The following BCL2L14 variants were observed in gnomAD, a reference collection of about 807,000 sequenced individuals.
BCL2L14 encodes the protein apoptosis facilitator Bcl-2-like protein 14.
In BCL2L14, 27 loss-of-function variants were observed where a neutral mutation model predicts 35.3. That is an observed-to-expected ratio of 0.76 (90% CI 0.56 to 1.05). BCL2L14 has a LOEUF of 1.05. Ranked by LOEUF, BCL2L14 falls within the 50% of genes least tolerant of loss-of-function variation. BCL2L14 has a pLI of 0.00. For missense variants in BCL2L14, 377 were observed against 382.6 expected, an observed-to-expected ratio of 0.99 and a Z score of 0.12; for synonymous variants, 139 against 145.9, an observed-to-expected ratio of 0.95 and a Z score of 0.34.
intron 5 of BCL2L14, chr12:12,095,557 C>G: frequency 1.0e-6 from 1 of 985,418 alleles, no homozygotes; most frequent in Non-Finnish European, 1.2e-6. Context: ...CTGCCATGTT[C>G]AAACAGCTAC....
At chr12:12,064,093 A>C (rs1181717152) in intron 2 of BCL2L14, among the ~76,000 whole-genome samples, 1 of 151,912 alleles carries the variant, frequency 6.6e-6, no homozygotes, top group Admixed American at 6.6e-5. Flanking sequence ...CAAGTAATCC[A>C]CCTGCCTCAG....
chr12:12,083,237 T>C (rs1220133995), intron 2 of BCL2L14, among the ~76,000 whole-genome samples: 1 of 152,202 alleles, frequency 6.6e-6, no homozygotes, highest in Non-Finnish European at 1.5e-5. Flanking sequence ...GTGCTGGGAT[T>C]ACAGGCGTGA....
chr12:12,075,410 A>ATTCTTTCT (rs71057801), intron 1 of BCL2L14, among the ~76,000 whole-genome samples: 25,711 of 142,576 alleles, frequency 0.18, 2,447 homozygotes, highest in South Asian at 0.3. Flanking sequence ...ATATGTTTCT[A>ATTCTTTCT]TTCTTTCTTT....
At chr12:12,078,017 TTATC>T (rs534426187) in intron 1 of BCL2L14, 19 of 438,056 alleles carry the variant, frequency 4.3e-5, no homozygotes, top group Middle Eastern at 3.4e-4. Context: ...AATCAGTTCT[TTATC>T]TATCCTGTTA....
intron 2 of BCL2L14, among the ~76,000 whole-genome samples, chr12:12,085,438 G>A (rs965522051): frequency 2.4e-4 from 36 of 152,336 alleles, no homozygotes; most frequent in African/African-American, 8.4e-4. Context: ...GAGTTCCAGC[G>A]GAGGCCGGCT....
chr12:12,088,513 C>T lies in BCL2L14; in HGVS notation c.607+1127C>T, dbSNP rs532989666. Among the ~76,000 whole-genome samples, 12 of 152,312 alleles carry T rather than the reference C, an allele frequency of 7.9e-5. No homozygotes were observed. The East Asian group carries it at 2.3e-3, about 29-fold the overall frequency. On this transcript the variant is annotated intron_variant, in intron 3 of 5. Coordinates refer to ENST00000308721, the MANE Select transcript of BCL2L14 (RefSeq NM_138723.2). ...AGGTGGCCTTTTCCTATTGGCACAG[C>T]TGCCAACATTCACTGTGCAAGCTTT...
chr12:12,090,897 T>C, intron 4 of BCL2L14, 48 bp downstream of exon 4: 1 of 1,435,606 alleles, frequency 7.0e-7, no homozygotes, highest in Non-Finnish European at 9.7e-7. Context: ...GCCCATGCAC[T>C]AGTACACGAG....
chr12:12,050,395 T>C (rs1316659897), intron 1 of BCL2L14, among the ~76,000 whole-genome samples: 2 of 136,202 alleles, frequency 1.5e-5, no homozygotes, highest in Non-Finnish European at 3.0e-5. Context: ...ATTGCGCCAC[T>C]GCACTCCAAC....
Position 12,079,488 on chromosome 12 carries a change from T to A in BCL2L14, c.183T>A (p.Cys61Ter). ...TGTCCCAGAGGGGCCTGGGGAATTG[T>A]TCAGCAAATGAGTCATGGACAGAGG... ...RSLSQRGLGN[C>*]SANESWTEVS... Residue 61 changes from cysteine to a stop codon, truncating the protein, a stop_gained, in exon 2 of 6, where the codon TGT becomes TGA. Coordinates refer to ENST00000308721, the MANE Select transcript of BCL2L14 (RefSeq NM_138723.2). LOFTEE classifies it high-confidence loss of function. The A allele has an allele frequency of 6.2e-7, 1 of 1,614,236 alleles. No homozygotes were observed. The highest frequency in any genetic ancestry group is 8.5e-7 in the Non-Finnish European group (1 of 1,180,038).
At chr12:12,055,316 C>G (rs897547203) in intron 2 of BCL2L14, 1 of 152,196 alleles carries the variant, frequency 6.6e-6, no homozygotes, top group African/African-American at 2.4e-5. Context: ...TTGTCAGAAG[C>G]CTTGCTAGAG....
At chr12:12,094,481 G>A (rs748017556) in intron 4 of BCL2L14, 183 bp from the exon 5 acceptor site, 35 of 1,555,012 alleles carry the variant, frequency 2.3e-5, no homozygotes, top group African/African-American at 1.2e-4. Flanking sequence ...TGAATTCACC[G>A]AGCAGTACAT....
intron 2 of BCL2L14, among the ~76,000 whole-genome samples, chr12:12,080,011 T>C (rs1170296547): frequency 2.0e-5 from 3 of 152,124 alleles, no homozygotes; most frequent in African/African-American, 4.8e-5. Context: ...GAGACCATCC[T>C]GGCTAACACG....
At chr12:12,074,631 G>C (rs1382102744) in intron 1 of BCL2L14, among the ~76,000 whole-genome samples, 1 of 151,918 alleles carries the variant, frequency 6.6e-6, no homozygotes. Flanking sequence ...TAGAGACAAA[G>C]TTTCACCATG....
At chr12:12,056,109 C>T (rs1948429075) in intron 2 of BCL2L14, among the ~76,000 whole-genome samples, 2 of 152,198 alleles carry the variant, frequency 1.3e-5, no homozygotes, top group South Asian at 4.1e-4. Context: ...TTTCCACCCA[C>T]TGACCCCACC....
At chr12:12,056,730 G>T (rs1050578200) in intron 2 of BCL2L14, among the ~76,000 whole-genome samples, 1 of 152,208 alleles carries the variant, frequency 6.6e-6, no homozygotes, top group African/African-American at 2.4e-5. Flanking sequence ...CTACTCAGGA[G>T]GCTGAGGCAG....
intron 5 of BCL2L14, chr12:12,095,221 GA>G: frequency 1.0e-6 from 1 of 985,366 alleles, no homozygotes; most frequent in Middle Eastern, 5.2e-4. Flanking sequence ...GAAATGTTTA[GA>G]TAGACGTAAT....
intron 3 of BCL2L14, among the ~76,000 whole-genome samples, chr12:12,088,155 A>C (rs1949089359): frequency 6.6e-6 from 1 of 152,208 alleles, no homozygotes; most frequent in South Asian, 2.1e-4. Context: ...GTTTAGCGGC[A>C]GAGGTTTAAT....
At position 12,098,944 on chromosome 12, in the gene BCL2L14, C is replaced by G; in HGVS notation, c.946-6C>G. ...GGAATTTTAAGAACCTATTTTTCCC[C>G]TCTAGGAAAAAATACTTGGGATATC... On this transcript the variant is annotated splice_region_variant and splice_polypyrimidine_tract_variant and intron_variant, in intron 5 of 5. Transcript: ENST00000308721. 6.3e-7 allele frequency: 1 copy of G among 1,579,546 alleles called. No homozygotes were observed. The highest frequency in any genetic ancestry group is 8.7e-7 in the Non-Finnish European group (1 of 1,148,674).
At position 12,079,472 on chromosome 12, in the gene BCL2L14, G is replaced by T; in HGVS notation, c.167G>T (p.Arg56Met). Residue 56 changes from arginine to methionine, a missense_variant, in exon 2 of 6, where the codon AGG becomes ATG. Coordinates refer to ENST00000308721, the MANE Select transcript of BCL2L14 (RefSeq NM_138723.2). ...KLLRTRSLSQ[R>M]GLGNCSANES... ...CTGAGAACAAGAAGTTTGTCCCAGAGGGGCCTGGGGAATTGTTCAGCAAAT... is the reference window on the plus strand; with the variant it reads ...CTGAGAACAAGAAGTTTGTCCCAGATGGGCCTGGGGAATTGTTCAGCAAAT... 6.2e-7 allele frequency: 1 copy of T among 1,614,250 alleles called. No individual in the cohort carries two copies. The highest frequency in any genetic ancestry group is 8.5e-7 in the Non-Finnish European group (1 of 1,180,056).
Sources: allele counts gnomAD v4.1 joint callset (sites outside exome capture counted in the v4.1 genomes callset), GRCh38; gene constraint gnomAD v4.1.1; transcripts MANE v1.5; gene names NCBI Gene and HGNC (gene_info 2026-07-23, HGNC 2026-07-21).